Variants in TMED3 observed in about 807,000 individuals in gnomAD.
TMED3 encodes the protein transmembrane p24 trafficking protein 3.
In TMED3, 9 loss-of-function variants were observed where a neutral mutation model predicts 15.0. The observed-to-expected ratio is 0.60, with a 90% CI of 0.36 to 1.04. TMED3 has a LOEUF of 1.04. Among genes scored for constraint, TMED3 ranks in the 50% least tolerant of loss-of-function variants. The probability of loss-of-function intolerance (pLI) is 0.01; values close to 1 mark genes in which losing one functional copy is unlikely to be tolerated. For missense variants in TMED3, 267 were observed against 278.9 expected (o/e 0.96, Z 0.30); for synonymous variants, 117 against 121.4 (o/e 0.96, Z 0.24).
chr15:79,349,514 A>T (rs765863929), intron 2 of TMED3, among the ~76,000 whole-genome samples: 1 of 152,092 alleles, frequency 6.6e-6, no homozygotes, highest in Non-Finnish European at 1.5e-5. Context: ...ATTATGCAGT[A>T]AAAAAACAAA....
intron 2 of TMED3, among the ~76,000 whole-genome samples, chr15:79,369,619 T>C (rs1381554234): frequency 3.3e-5 from 5 of 152,204 alleles, no homozygotes. Context: ...TTAGCCAGAA[T>C]GGGGGAATGT....
At position 79,393,563 on chromosome 15, in the gene TMED3, C is replaced by G. The variant is rs62025060; in HGVS notation, c.418-17837C>G. ...TGGGAAAACTTCAAGTGGAAGTGTT[C>G]TTTAAACCAGATTTTTGAAGGGTAG... On this transcript the variant is annotated intron_variant, in intron 2 of 2. Coordinates refer to the TMED3 transcript ENST00000424155. Among the ~76,000 whole-genome samples, 962 of 152,212 alleles carry G rather than the reference C, an allele frequency of 6.3e-3. 6 individuals are homozygous for G. The highest frequency in any genetic ancestry group is 0.02 in the Middle Eastern group (6 of 294).
exon 3 of TMED3, chr15:79,412,724 C>A (rs144514713): frequency 6.6e-6 from 1 of 152,444 alleles, no homozygotes; most frequent in Non-Finnish European, 1.5e-5. Flanking sequence ...CACCCTGCTG[C>A]GCTGCCACTG....
chr15:79,367,859 G>A (rs115602668), intron 2 of TMED3, among the ~76,000 whole-genome samples: 2,823 of 152,314 alleles, frequency 0.019, 93 homozygotes, highest in African/African-American at 0.064. Flanking sequence ...AAGATTTTCC[G>A]ATTTGCAATT....
At chr15:79,379,749 C>T (rs983119270) in intron 2 of TMED3, among the ~76,000 whole-genome samples, 2 of 152,152 alleles carry the variant, frequency 1.3e-5, no homozygotes, top group Non-Finnish European at 2.9e-5. Context: ...ACTGATCAAA[C>T]TTTCCTTATG....
intron 2 of TMED3, among the ~76,000 whole-genome samples, chr15:79,352,865 T>A (rs1280547819): frequency 2.8e-5 from 3 of 108,496 alleles, no homozygotes; most frequent in Non-Finnish European, 5.5e-5. Flanking sequence ...ATATAAAATA[T>A]ACATATATAA....
intron 2 of TMED3, among the ~76,000 whole-genome samples, chr15:79,367,559 G>A (rs1174110222): frequency 1.8e-4 from 28 of 152,156 alleles, no homozygotes; most frequent in Admixed American, 1.8e-3. Flanking sequence ...AGTTCCCAGA[G>A]CGTGCAAGCT....
At chr15:79,346,283 G>A (rs1249149277) in intron 2 of TMED3, among the ~76,000 whole-genome samples, 1 of 152,114 alleles carries the variant, frequency 6.6e-6, no homozygotes, top group Non-Finnish European at 1.5e-5. Context: ...GATATGGTTA[G>A]ACTTTGTGTC....
intron 2 of TMED3, among the ~76,000 whole-genome samples, chr15:79,364,593 C>T (rs1480104853): frequency 6.6e-6 from 1 of 151,808 alleles, no homozygotes; most frequent in Non-Finnish European, 1.5e-5. Context: ...CCCATATAAA[C>T]CCTGAACCCC....
At chr15:79,331,735 A>G (rs2058810041) in intron 2 of TMED3, among the ~76,000 whole-genome samples, 1 of 152,188 alleles carries the variant, frequency 6.6e-6, no homozygotes, top group Admixed American at 6.5e-5. Flanking sequence ...AACAATGGAC[A>G]AACAATCTGA....
At chr15:79,371,289 T>A (rs985340517) in intron 2 of TMED3, among the ~76,000 whole-genome samples, 1 of 152,326 alleles carries the variant, frequency 6.6e-6, no homozygotes, top group South Asian at 2.1e-4. Flanking sequence ...GATGTGGCTA[T>A]GTTAAGAAAA....
chr15:79,341,492 T>C (rs2058851546), intron 2 of TMED3, among the ~76,000 whole-genome samples: 1 of 152,072 alleles, frequency 6.6e-6, no homozygotes, highest in Non-Finnish European at 1.5e-5. Flanking sequence ...CTTTGACAGG[T>C]TTTAGGTAGG....
downstream of TMED3, among the ~76,000 whole-genome samples, chr15:79,324,999 T>C (rs2141220103): frequency 6.6e-6 from 1 of 152,252 alleles, no homozygotes. Flanking sequence ...AGAATTAGGA[T>C]TCACCCTGTT....
chr15:79,324,029 C>G (rs1364086821), downstream of TMED3, among the ~76,000 whole-genome samples: 1 of 152,130 alleles, frequency 6.6e-6, no homozygotes, highest in African/African-American at 2.4e-5. Flanking sequence ...CTCACTCTGT[C>G]GCCCAGGCTG....
At chr15:79,327,797 C>T (rs2058792692), downstream of TMED3, among the ~76,000 whole-genome samples, 1 of 152,100 alleles carries the variant, frequency 6.6e-6, no homozygotes. Flanking sequence ...TTTGCTTCTC[C>T]CTGGAGTTTC....
At position 79,343,639 on chromosome 15, in the gene TMED3, G is replaced by T. The variant is rs565705235; in HGVS notation, c.417+29634G>T. 6.7e-5 allele frequency among the ~76,000 whole-genome samples: 10 copies of T among 148,514 alleles called. No homozygotes were observed. The East Asian group carries it at 9.8e-4, about 15-fold the overall frequency. On this transcript the variant is annotated intron_variant, in intron 2 of 2. Coordinates refer to the TMED3 transcript ENST00000424155. ...TGTGGGTAGTAGACTGCAGGGGTAA[G>T]AGTGGATGCAGGGAGTGAGGAGCTA...
At chr15:79,392,050 A>G (rs1288955558) in intron 2 of TMED3, among the ~76,000 whole-genome samples, 1 of 152,166 alleles carries the variant, frequency 6.6e-6, no homozygotes, top group East Asian at 1.9e-4. Context: ...AGTTCTGTAT[A>G]TTTTAAGTGG....
At chr15:79,316,274 C>T (rs113871021) in intron 2 of TMED3, among the ~76,000 whole-genome samples, 1,870 of 152,298 alleles carry the variant, frequency 0.012, 17 homozygotes, top group Non-Finnish European at 0.018. Context: ...TTCAGGAAAA[C>T]CAGGCTCCTA....
chr15:79,321,921 T>G, intron 2 of TMED3, 57 bp from the exon 3 acceptor site: 2 of 1,580,200 alleles, frequency 1.3e-6, no homozygotes, highest in East Asian at 4.5e-5. Flanking sequence ...TGCTGTTTGC[T>G]GGATCCCACA....
Sources: allele counts gnomAD v4.1 joint callset (sites outside exome capture counted in the v4.1 genomes callset), GRCh38; gene constraint gnomAD v4.1.1; transcripts MANE v1.5; gene names NCBI Gene and HGNC (gene_info 2026-07-23, HGNC 2026-07-21).